Variants in ATP2A3 observed in about 807,000 individuals in gnomAD.
ATP2A3 encodes ATPase sarcoplasmic/endoplasmic reticulum Ca2+ transporting 3, also known as sarcoplasmic/endoplasmic reticulum calcium ATPase 3.
ATP2A3 carries 61 observed loss-of-function variants against 106.8 expected under a neutral mutation model. That is an observed-to-expected ratio of 0.57 (90% CI 0.46 to 0.71). The LOEUF (loss-of-function observed/expected upper bound fraction) is 0.71, where lower values mean the gene tolerates loss of function less well. Ranked by LOEUF, ATP2A3 falls within the 30% of genes least tolerant of loss-of-function variation. The probability of loss-of-function intolerance (pLI) is 0.00; values close to 1 mark genes in which losing one functional copy is unlikely to be tolerated. For missense variants in ATP2A3, 1,201 were observed against 1,423.5 expected (o/e 0.84, Z 2.52); for synonymous variants, 611 against 609.3 (o/e 1.00, Z -0.04).
chr17:3,944,982 C>T, intron 9 of ATP2A3, 78 bp downstream of exon 9: 2 of 1,327,132 alleles, frequency 1.5e-6, no homozygotes, highest in Non-Finnish European at 2.0e-6. Flanking sequence ...CAGGGGCCTC[C>T]CACGGCCACC....
In ATP2A3 at chr17:3,941,444, G is replaced by C. The variant is rs956733783; in HGVS notation, c.1756C>G (p.Gln586Glu). 1 of 1,614,074 alleles carries C rather than the reference G, an allele frequency of 6.2e-7. No homozygotes were observed. The highest frequency in any genetic ancestry group is 8.5e-7 in the Non-Finnish European group (1 of 1,180,024). Reference sequence around the variant, plus strand: ...TCGGCTCCTGCACCCACCTCGTACTGCACAAACTTGCTGCAGTCGTCCAGC... The same window carrying C: ...TCGGCTCCTGCACCCACCTCGTACTCCACAAACTTGCTGCAGTCGTCCAGC... ...MELDDCSKFV[Q>E]YETDLTFVGC... The change falls in exon 13 of 21, where the codon CAG (glutamine) becomes GAG (glutamate). Residue 586 changes from glutamine to glutamate, a missense_variant. Coordinates refer to ENST00000397041, the MANE Select transcript of ATP2A3 (RefSeq NM_005173.4).
At position 3,926,814 on chromosome 17, in the gene ATP2A3, C is replaced by T; in HGVS notation, c.2981-1373G>A. ...CTAACTCCTGACTCAGGTGATCTGC[C>T]CACCTCGGCCTCCCAAAGTGCTGGG... On this transcript the variant is annotated intron_variant, in intron 20 of 20. Transcript: ENST00000397041. This position sits in a 1 kb window ranked among gnomAD's most constrained non-coding sequence, Gnocchi z 4.6. 1.0e-6 allele frequency: 1 copy of T among 974,176 alleles called. No individual in the cohort carries two copies. The highest frequency in any genetic ancestry group is 4.7e-5 in the South Asian group (1 of 21,078). The allele number at this position is 974,176 out of a possible 1,614,324, so 60.3% of individuals were successfully genotyped here.
chr17:3,930,603 G>T lies in ATP2A3; in HGVS notation c.2611-169C>A. 1 of 902,450 alleles carries T rather than the reference G, an allele frequency of 1.1e-6. No homozygotes were observed. Among genetic ancestry groups the T allele is most frequent in the Non-Finnish European group, 1.7e-6 (1 of 585,624 alleles). 55.9% of individuals were successfully genotyped at this position (902,450 alleles called of 1,614,324 possible). On this transcript the variant is annotated intron_variant, in intron 17 of 20. Transcript: ENST00000397041. The surrounding 1 kb of genome is among the most constrained non-coding windows in gnomAD (Gnocchi z 5.4). ...CCGGGAGGGGTGCGGGGTCGGGGCG[G>T]CGGTGGGGAGAGCTGCACCGTGCCA...
chr17:3,951,497 T>A, intron 4 of ATP2A3, 84 bp downstream of exon 4: 1 of 1,579,490 alleles, frequency 6.3e-7, no homozygotes, highest in Non-Finnish European at 8.6e-7. Flanking sequence ...CAGGAGAGTC[T>A]GCAGGACGCC....
At chr17:3,942,841 A>G (rs1320016480) in intron 11 of ATP2A3, 110 bp from the exon 12 acceptor site, 2 of 1,503,822 alleles carry the variant, frequency 1.3e-6, no homozygotes, top group East Asian at 2.3e-5. Flanking sequence ...GTGGGATGAC[A>G]TCTACACTCC....
chr17:3,945,677 GC>G (rs1567704950), intron 8 of ATP2A3, among the ~76,000 whole-genome samples: 2 of 152,186 alleles, frequency 1.3e-5, no homozygotes, highest in South Asian at 4.1e-4. Context: ...GGGTCACTCA[GC>G]CCCCACCTGT....
rs1379981990 is a variant in ATP2A3, at chr17:3,941,263, G to A, written c.1808C>T (p.Pro603Leu). The change falls in exon 14 of 21, where the codon CCG becomes CTG. Residue 603 changes from proline (P) to leucine (L), a missense_variant. Pro to Leu is a moderately conservative substitution (Grantham distance 98). Coordinates refer to ENST00000397041, the MANE Select transcript of ATP2A3 (RefSeq NM_005173.4). ...FVGCVGMLDP[P>L]RPEVAACITR... ...GATGCAGGCAGCCACCTCAGGTCGC[G>A]GCGGGTCCAGCATGCCTACGCAGCC... 8 of 1,613,706 alleles carry A rather than the reference G, an allele frequency of 5.0e-6. No homozygotes were observed. Among genetic ancestry groups the A allele is most frequent in the African/African-American group, 1.3e-5 (1 of 74,934 alleles).
chr17:3,961,374 G>A (rs539364102), intron 1 of ATP2A3, among the ~76,000 whole-genome samples: 2 of 152,356 alleles, frequency 1.3e-5, no homozygotes, highest in East Asian at 3.9e-4. Context: ...CTGGGGCCAG[G>A]AGCCTCCCCA....
At chr17:3,943,253 CAGAA>C in intron 11 of ATP2A3, 134 bp downstream of exon 11, 5 of 1,367,434 alleles carry the variant, frequency 3.7e-6, no homozygotes, top group Non-Finnish European at 5.0e-6. Context: ...GCCTGGGCGA[CAGAA>C]TGAGACTCCG....
intron 20 of ATP2A3, chr17:3,927,220 G>C (rs1193174082): frequency 1.0e-6 from 1 of 985,334 alleles, no homozygotes; most frequent in Non-Finnish European, 1.2e-6. Flanking sequence ...TAGGCCTGGG[G>C]AATCCTCCAC....
chr17:3,933,963 T>G (rs2053272380), intron 17 of ATP2A3, among the ~76,000 whole-genome samples: 1 of 150,572 alleles, frequency 6.6e-6, no homozygotes, highest in South Asian at 2.1e-4. Flanking sequence ...TTGCTCTGTC[T>G]CCCAGGCTCG....
chr17:3,938,035 G>A (rs2053548739), intron 14 of ATP2A3, among the ~76,000 whole-genome samples: 1 of 152,216 alleles, frequency 6.6e-6, no homozygotes, highest in African/African-American at 2.4e-5. Context: ...AGCCAGGTAG[G>A]TGTTGTAGTC....
rs1439476583 is a variant in ATP2A3 at position 3,926,299 on chromosome 17, G to A, written c.2981-858C>T. 6.6e-6 allele frequency among the ~76,000 whole-genome samples: 1 copy of A among 152,144 alleles called. No individual in the cohort carries two copies. The highest frequency in any genetic ancestry group is 1.5e-5 in the Non-Finnish European group (1 of 68,026). ...CCCCCGCCCCGTCTGGCTTTAGGAGGCCCCAGGGACTGCAGTAGCGCTGGG... is the reference window on the plus strand; with the variant it reads ...CCCCCGCCCCGTCTGGCTTTAGGAGACCCCAGGGACTGCAGTAGCGCTGGG... On this transcript the variant is annotated intron_variant, in intron 20 of 20. Coordinates refer to ENST00000397041, the MANE Select transcript of ATP2A3 (RefSeq NM_005173.4). The surrounding 1 kb of genome is among the most constrained non-coding windows in gnomAD (Gnocchi z 4.6).
rs755342618 is a variant in ATP2A3, at chr17:3,954,286, C to T, written c.119-576G>A. On this transcript the variant is annotated intron_variant, in intron 1 of 20. Transcript: ENST00000397041. ...GCTGGGCCGGCCTGCTGGGCCCCAC[C>T]GCACAGCAGGGCTCCCCTGGACAGG... Among the ~76,000 whole-genome samples, 194 of 152,196 alleles carry T rather than the reference C, an allele frequency of 1.3e-3. 2 individuals are homozygous for T. Among genetic ancestry groups the T allele is most frequent in the Non-Finnish European group, 6.8e-4 (46 of 67,998 alleles).
chr17:3,962,268 A>G (rs1157961056), intron 1 of ATP2A3, among the ~76,000 whole-genome samples: 1 of 152,142 alleles, frequency 6.6e-6, no homozygotes, highest in Non-Finnish European at 1.5e-5. Flanking sequence ...ACCACCTACT[A>G]TGTGACCTCG....
chr17:3,960,075 A>G (rs1232955037), intron 1 of ATP2A3, among the ~76,000 whole-genome samples: 1 of 152,148 alleles, frequency 6.6e-6, no homozygotes, highest in African/African-American at 2.4e-5. Flanking sequence ...TGGGCAAACC[A>G]CACCCTCTCA....
rs1555558101 is a variant in ATP2A3, at chr17:3,939,786, T to TTAAAAAAAAA, written c.2100+1184_2100+1185insTTTTTTTTTA. Among the ~76,000 whole-genome samples, 60 of 50,518 alleles carry TTAAAAAAAAA rather than the reference T, an allele frequency of 1.2e-3. 10 individuals carry two copies. The highest frequency in any genetic ancestry group is 0.013 in the Middle Eastern group (1 of 76). The allele number at this position is 50,518 out of a possible 152,430, so 33.1% of individuals were successfully genotyped here. ...CTGGGTGACAGAGCGAGACTCTGTC[T>TTAAAAAAAAA]AAAAAAAAAAAAAAAAAAAAAAAAA... On this transcript the variant is annotated intron_variant, in intron 14 of 20. Transcript: ENST00000397041.
rs2052693266 is a variant in ATP2A3 at position 3,926,091 on chromosome 17, C to T, written c.2981-650G>A. 6.6e-6 allele frequency among the ~76,000 whole-genome samples: 1 copy of T among 151,660 alleles called. No individual in the cohort carries two copies. Among genetic ancestry groups the T allele is most frequent in the South Asian group, 2.1e-4 (1 of 4,784 alleles). ...ACTGCTCAGCCACACCTGGGCAGAG[C>T]CAGGAGGTGGGGTGAGAGGACCGCC... On this transcript the variant is annotated intron_variant, in intron 20 of 20. Transcript: ENST00000397041. This position sits in a 1 kb window ranked among gnomAD's most constrained non-coding sequence, Gnocchi z 4.6.
chr17:3,952,753 CTAA>C (rs1368793103), intron 3 of ATP2A3, among the ~76,000 whole-genome samples: 1 of 152,132 alleles, frequency 6.6e-6, no homozygotes. Flanking sequence ...CCGCACTCGG[CTAA>C]TGTTTTTGTA....
Sources: gnomAD v4.1 joint callset for allele counts (sites outside exome capture counted in the v4.1 genomes callset) on GRCh38, gnomAD v4.1.1 for gene constraint, Gnocchi (gnomAD v3.1) non-coding constraint, MANE v1.5 for transcripts, NCBI Gene and HGNC (gene_info 2026-07-23, HGNC 2026-07-21) for gene names.